The following GLT1D1 variants were observed in gnomAD, a reference collection of about 807,000 sequenced individuals.
GLT1D1 encodes the protein glycosyltransferase 1 domain-containing protein 1.
Under a neutral mutation model 28.7 loss-of-function variants are expected in GLT1D1, and 21 were observed. The observed-to-expected ratio is 0.73, with a 90% confidence interval of 0.52 to 1.05. GLT1D1 has a LOEUF of 1.05. Among genes scored for constraint, GLT1D1 ranks in the 50% least tolerant of loss-of-function variants. The pLI is 0.00. For missense variants in GLT1D1, 343 were observed against 330.6 expected, an observed-to-expected ratio of 1.04 and a Z score of -0.29; for synonymous variants, 147 against 124.8, an observed-to-expected ratio of 1.18 and a Z score of -1.19.
At chr12:128,970,308 C>A (rs543311951) in intron 7 of GLT1D1, among the ~76,000 whole-genome samples, 1 of 152,172 alleles carries the variant, frequency 6.6e-6, no homozygotes, top group Admixed American at 6.5e-5. Context: ...GCTCCCAAGC[C>A]CGCCGCGCCC....
intron 1 of GLT1D1, among the ~76,000 whole-genome samples, chr12:128,872,916 AGGGTCTC>A (rs1956735279): frequency 6.6e-6 from 1 of 151,974 alleles, no homozygotes; most frequent in Non-Finnish European, 1.5e-5. Flanking sequence ...ATTTTGAGAC[AGGGTCTC>A]GCTCTGTTGA....
At chr12:128,855,400 A>C (rs1395335535) in intron 1 of GLT1D1, among the ~76,000 whole-genome samples, 1 of 124,310 alleles carries the variant, frequency 8.0e-6, no homozygotes, top group Non-Finnish European at 1.7e-5. Flanking sequence ...TCATCTCTAC[A>C]AAAAAAAATT....
chr12:128,870,392 G>A (rs1038958242), intron 1 of GLT1D1, among the ~76,000 whole-genome samples: 1 of 152,176 alleles, frequency 6.6e-6, no homozygotes, highest in Non-Finnish European at 1.5e-5. Flanking sequence ...AGTCAGGCGC[G>A]CACACATAGG....
At chr12:128,911,440 A>T (rs757419224) in intron 4 of GLT1D1, among the ~76,000 whole-genome samples, 1 of 152,108 alleles carries the variant, frequency 6.6e-6, no homozygotes, top group African/African-American at 2.4e-5. Flanking sequence ...TGCCCTAAAG[A>T]CCACACTGTA....
rs1236058561 is a variant in GLT1D1 at position 128,964,218 on chromosome 12, C to CA, written c.639+6582dup. ...CCAACATGGAGAAACCCTGTCTCTA[C>CA]AAAAAAAGTAAAATATTATCTGGGG... On this transcript the variant is annotated intron_variant, in intron 7 of 7. Coordinates refer to ENST00000281703, the MANE Select transcript of GLT1D1 (RefSeq NM_144669.3). 2.0e-5 allele frequency among the ~76,000 whole-genome samples: 3 copies of CA among 152,198 alleles called. No individual in the cohort carries two copies. The South Asian group carries it at 6.2e-4, about 32-fold the overall frequency.
intron 4 of GLT1D1, among the ~76,000 whole-genome samples, chr12:128,913,451 C>T (rs1253243562): frequency 6.6e-6 from 1 of 152,182 alleles, no homozygotes; most frequent in Non-Finnish European, 1.5e-5. Flanking sequence ...GAACTCCTGA[C>T]CTCAGGTGAT....
intron 6 of GLT1D1, among the ~76,000 whole-genome samples, chr12:128,956,046 C>G (rs6416193): frequency 0.45 from 67,931 of 150,256 alleles, 16,530 homozygotes; most frequent in Non-Finnish European, 0.55. Context: ...GTAGTCCCAG[C>G]TACTCGGGAG....
chr12:128,876,751 A>G (rs1956880002), intron 2 of GLT1D1, among the ~76,000 whole-genome samples: 2 of 152,254 alleles, frequency 1.3e-5, no homozygotes, highest in South Asian at 4.1e-4. Flanking sequence ...AGTTTAAAGC[A>G]CATTTGAGCA....
At position 128,956,171 on chromosome 12, in the gene GLT1D1, A is replaced by AAAAAAAAAAAAAAAAAAAAAAAAAGAG. The variant is rs374597920; in HGVS notation, c.541-1373_541-1372insAAAAAAAAAAAAAAAAAAAAAAAGAGA. 6.9e-4 allele frequency among the ~76,000 whole-genome samples: 44 copies of AAAAAAAAAAAAAAAAAAAAAAAAAGAG among 63,950 alleles called. 5 individuals carry two copies. Among genetic ancestry groups the AAAAAAAAAAAAAAAAAAAAAAAAAGAG allele is most frequent in the Non-Finnish European group, 1.1e-3 (32 of 28,310 alleles). The allele number at this position is 63,950 out of a possible 152,430, so 42.0% of individuals were successfully genotyped here. A position where few individuals can be genotyped will look rare whatever the true frequency, so the allele number is the denominator to read the frequency against. On this transcript the variant is annotated intron_variant, in intron 6 of 7. Coordinates refer to ENST00000281703, the MANE Select transcript of GLT1D1 (RefSeq NM_144669.3). ...GAGACTCCATCTCAAAAAAAAAAAA[A>AAAAAAAAAAAAAAAAAAAAAAAAAGAG]AGAGAAAGAGAGAAAGAAAGAAAGA...
intron 4 of GLT1D1, among the ~76,000 whole-genome samples, chr12:128,938,674 T>G (rs1439786524): frequency 6.6e-6 from 1 of 152,194 alleles, no homozygotes; most frequent in Non-Finnish European, 1.5e-5. Flanking sequence ...TGCCTACTGG[T>G]AAAGTGTAAA....
chr12:128,975,329 TC>T (rs1453775427), intron 7 of GLT1D1, among the ~76,000 whole-genome samples: 1 of 152,212 alleles, frequency 6.6e-6, no homozygotes, highest in East Asian at 1.9e-4. Flanking sequence ...CACCTTGTCC[TC>T]TGGCTCTGTA....
At chr12:128,865,955 A>G (rs567747444) in intron 1 of GLT1D1, among the ~76,000 whole-genome samples, 11 of 152,226 alleles carry the variant, frequency 7.2e-5, no homozygotes, top group Non-Finnish European at 1.6e-4. Flanking sequence ...GAGATGATTT[A>G]AAGTATACAG....
At chr12:128,864,154 G>T (rs1193469814) in intron 1 of GLT1D1, 1 of 687,224 alleles carries the variant, frequency 1.5e-6, no homozygotes, top group East Asian at 2.8e-5. Context: ...CATGCTGACT[G>T]CGAGGTGCCT....
intron 4 of GLT1D1, 118 bp downstream of exon 7, chr12:128,926,572 A>G (rs11609238): frequency 0.18 from 108,265 of 586,220 alleles, 11,799 homozygotes; most frequent in Non-Finnish European, 0.24. Flanking sequence ...CGTGAGCAGA[A>G]CTGTTTCTAG....
At chr12:128,896,940 C>G (rs73153428) in intron 3 of GLT1D1, among the ~76,000 whole-genome samples, 6 of 152,086 alleles carry the variant, frequency 3.9e-5, no homozygotes, top group African/African-American at 1.4e-4. Flanking sequence ...GGTAGAATTG[C>G]AAGGTCTAAC....
At chr12:128,919,078 G>A (rs182559454) in intron 4 of GLT1D1, among the ~76,000 whole-genome samples, 5 of 152,274 alleles carry the variant, frequency 3.3e-5, no homozygotes, top group Admixed American at 2.6e-4. Context: ...ATTAATCTGC[G>A]TCTCTGGGTT....
At chr12:128,873,880 T>TC (rs1566090321) in intron 1 of GLT1D1, among the ~76,000 whole-genome samples, 2 of 124,782 alleles carry the variant, frequency 1.6e-5, no homozygotes, top group African/African-American at 5.8e-5. Flanking sequence ...CCTTCCTTCC[T>TC]TCCTCTCTCT....
rs551075234 is a variant in GLT1D1, at chr12:128,969,092, C to T, written c.639+11449C>T. 9.2e-5 allele frequency among the ~76,000 whole-genome samples: 14 copies of T among 151,904 alleles called. No individual in the cohort carries two copies. In the South Asian group the frequency reaches 2.5e-3, roughly 27 times the overall value. ...TCTCAGTCTCTGTAGCCCTCGTCCTCCTCTCTGTCTGTGTCTCTCTCTGTC... is the reference window on the plus strand; with the variant it reads ...TCTCAGTCTCTGTAGCCCTCGTCCTTCTCTCTGTCTGTGTCTCTCTCTGTC... On this transcript the variant is annotated intron_variant, in intron 7 of 7. Coordinates refer to ENST00000281703, the MANE Select transcript of GLT1D1 (RefSeq NM_144669.3).
chr12:128,867,096 G>A (rs564849279), intron 1 of GLT1D1, among the ~76,000 whole-genome samples: 14 of 151,858 alleles, frequency 9.2e-5, no homozygotes, highest in Non-Finnish European at 1.8e-4. Flanking sequence ...CCTTTTCCCT[G>A]CTCTAGAAAG....
Sources: allele counts gnomAD v4.1 joint callset (sites outside exome capture counted in the v4.1 genomes callset), GRCh38; gene constraint gnomAD v4.1.1; transcripts MANE v1.5; gene names NCBI Gene and HGNC (gene_info 2026-07-23, HGNC 2026-07-21).